Variants in CBFA2T3 observed in about 807,000 individuals in gnomAD.
The protein encoded by CBFA2T3 is CBFA2/RUNX1 partner transcriptional co-repressor 3.
CBFA2T3 carries 31 observed loss-of-function variants against 58.6 expected under a neutral mutation model. That is an observed-to-expected ratio of 0.53 (90% CI 0.40 to 0.71). The LOEUF (loss-of-function observed/expected upper bound fraction) is 0.71, where lower values mean the gene tolerates loss of function less well. Among genes scored for constraint, CBFA2T3 ranks in the 30% least tolerant of loss-of-function variants. The pLI is 0.00. For missense variants in CBFA2T3, 1,076 were observed against 963.1 expected (o/e 1.12, Z -1.55); for synonymous variants, 531 against 421.9 (o/e 1.26, Z -3.17).
rs188460882 is a variant in CBFA2T3, at chr16:88,966,587, C to T, written c.151+10070G>A. Among the ~76,000 whole-genome samples the T allele has an allele frequency of 1.1e-3, 161 of 152,332 alleles. No homozygotes were observed. In the East Asian group the frequency reaches 0.012, roughly 11 times the overall value. On this transcript the variant is annotated intron_variant, in intron 1 of 11. Transcript: ENST00000268679. ...GCACCCGGTGCCAGGCCCTGCCCAG[C>T]GCCCAGCTTCCCAGCCTCCCTTGGA...
chr16:88,948,884 T>C (rs1971973607), intron 1 of CBFA2T3, among the ~76,000 whole-genome samples: 1 of 152,084 alleles, frequency 6.6e-6, no homozygotes, highest in Non-Finnish European at 1.5e-5. Flanking sequence ...CAGTTGGAAA[T>C]CGGAAGTGTC....
chr16:88,938,218 G>A (rs901623244), intron 1 of CBFA2T3: 6 of 152,334 alleles, frequency 3.9e-5, no homozygotes, highest in East Asian at 1.9e-4. Context: ...TGCTAACCCC[G>A]AGTCATGACC....
At chr16:88,944,465 C>T (rs188868517) in intron 1 of CBFA2T3, among the ~76,000 whole-genome samples, 2 of 152,246 alleles carry the variant, frequency 1.3e-5, no homozygotes, top group East Asian at 1.9e-4. Flanking sequence ...CCTGGGAGAC[C>T]GTGCCTGGCT....
intron 5 of CBFA2T3, among the ~76,000 whole-genome samples, chr16:88,887,973 G>C (rs996827129): frequency 6.6e-6 from 1 of 152,180 alleles, no homozygotes; most frequent in African/African-American, 2.4e-5. Context: ...CCCTGACCGT[G>C]GGCTCTGCCA....
At chr16:88,975,235 G>A (rs867308373) in intron 1 of CBFA2T3, among the ~76,000 whole-genome samples, 211 of 84,054 alleles carry the variant, frequency 2.5e-3, no homozygotes, top group Middle Eastern at 6.3e-3. Flanking sequence ...CTGCAGCCAT[G>A]TCAGAGGCCC....
chr16:88,933,832 G>A (rs1193498865), intron 1 of CBFA2T3, among the ~76,000 whole-genome samples: 2 of 152,118 alleles, frequency 1.3e-5, no homozygotes, highest in Non-Finnish European at 2.9e-5. Flanking sequence ...GTGACTTGGT[G>A]AAATCCCCGT....
intron 11 of CBFA2T3, among the ~76,000 whole-genome samples, chr16:88,878,962 A>C (rs1228247702): frequency 6.6e-6 from 1 of 152,216 alleles, no homozygotes; most frequent in Non-Finnish European, 1.5e-5. Context: ...TCTCAGCATC[A>C]GCCAACCTGG....
At chr16:88,923,728 C>A (rs943180838) in intron 1 of CBFA2T3, among the ~76,000 whole-genome samples, 4 of 152,230 alleles carry the variant, frequency 2.6e-5, no homozygotes, top group Non-Finnish European at 5.9e-5. Flanking sequence ...GGGAAGGCTC[C>A]GACATGGAGG....
intron 1 of CBFA2T3, among the ~76,000 whole-genome samples, chr16:88,910,107 A>G (rs1294867456): frequency 1.3e-5 from 2 of 151,942 alleles, no homozygotes; most frequent in Non-Finnish European, 2.9e-5. Flanking sequence ...AACCACACGC[A>G]CTACCCCACA....
At chr16:88,925,147 G>A (rs1436591017) in intron 1 of CBFA2T3, among the ~76,000 whole-genome samples, 2 of 152,250 alleles carry the variant, frequency 1.3e-5, no homozygotes, top group East Asian at 1.9e-4. Context: ...TGGGGCAGCA[G>A]GCCATGTCCG....
At chr16:88,887,942 C>A (rs1201696403) in intron 5 of CBFA2T3, among the ~76,000 whole-genome samples, 3 of 152,180 alleles carry the variant, frequency 2.0e-5, no homozygotes, top group Non-Finnish European at 4.4e-5. Context: ...CGCTGCTCTG[C>A]CAAGCACCCA....
At position 88,914,145 on chromosome 16, in the gene CBFA2T3, A is replaced by C. The variant is rs188952055; in HGVS notation, c.152-12489T>G. 3.6e-3 allele frequency among the ~76,000 whole-genome samples: 554 copies of C among 152,384 alleles called. 1 individual carries two copies. Among genetic ancestry groups the C allele is most frequent in the African/African-American group, 0.013 (531 of 41,590 alleles). On this transcript the variant is annotated intron_variant, in intron 1 of 11. Transcript: ENST00000268679. ...GGTCTCACAAATGTACAGCACTGCA[A>C]GCGGTCTCTCACAAACGCGGTGGCC...
chr16:88,952,927 TGTCCAGGACCCCCACGCAGGGCCTGTGTC>T (rs1169814430), intron 1 of CBFA2T3, among the ~76,000 whole-genome samples: 9 of 140,704 alleles, frequency 6.4e-5, no homozygotes, highest in East Asian at 2.4e-4. Flanking sequence ...CGAGACGGCA[TGTCCAGGACCCCCACGCAGGGCCTGTGTC>T]GAGACGGCAT....
chr16:88,902,685 C>T (rs1329573591), intron 1 of CBFA2T3, among the ~76,000 whole-genome samples: 2 of 152,220 alleles, frequency 1.3e-5, no homozygotes, highest in Non-Finnish European at 2.9e-5. Flanking sequence ...GCCCCAGGGC[C>T]TCCCCATTTA....
chr16:88,910,370 C>G (rs943475463), intron 1 of CBFA2T3, among the ~76,000 whole-genome samples: 1 of 152,236 alleles, frequency 6.6e-6, no homozygotes, highest in Admixed American at 6.5e-5. Flanking sequence ...CTTCTCTTCT[C>G]TTGTGGATGC....
intron 1 of CBFA2T3, among the ~76,000 whole-genome samples, chr16:88,976,319 C>G (rs374089162): frequency 1.3e-5 from 2 of 152,062 alleles, no homozygotes; most frequent in South Asian, 2.1e-4. Flanking sequence ...TTTCTAGGAC[C>G]CCCCCATCAC....
At chr16:88,894,417 A>ACGGC (rs1222986397) in intron 3 of CBFA2T3, among the ~76,000 whole-genome samples, 1 of 114,260 alleles carries the variant, frequency 8.8e-6, no homozygotes, top group African/African-American at 4.0e-5. Flanking sequence ...ACACACATGC[A>ACGGC]TACATATACA....
Position 88,881,588 on chromosome 16 carries a change from C to A in CBFA2T3, c.1204-99G>T, listed in dbSNP as rs564438686. On this transcript the variant is annotated intron_variant, in intron 8 of 11. Coordinates refer to ENST00000268679, the MANE Select transcript of CBFA2T3 (RefSeq NM_005187.6). ...GCCAGAGCCCCGGACAGGATGGGTG[C>A]CCGACCAGCCCACCGCCCGTGAGAG... The A allele has an allele frequency of 1.9e-3, 2,357 of 1,228,310 alleles. 6 individuals are homozygous for A. The highest frequency in any genetic ancestry group is 3.1e-3 in the Middle Eastern group (11 of 3,514). The allele number at this position is 1,228,310 out of a possible 1,614,324, so 76.1% of individuals were successfully genotyped here.
At chr16:88,975,200 T>G (rs12918563) in intron 1 of CBFA2T3, among the ~76,000 whole-genome samples, 1,507 of 96,084 alleles carry the variant, frequency 0.016, 37 homozygotes, top group African/African-American at 0.053. Context: ...ATGTCAGAGG[T>G]CCACCCTGAC....
Sources: allele counts gnomAD v4.1 joint callset (sites outside exome capture counted in the v4.1 genomes callset), GRCh38; gene constraint gnomAD v4.1.1; transcripts MANE v1.5; gene names NCBI Gene and HGNC (gene_info 2026-07-23, HGNC 2026-07-21).